Variants in RNF150 observed in about 807,000 individuals in gnomAD.
The protein encoded by RNF150 is ring finger protein 150.
A neutral mutation model predicts 39.3 loss-of-function variants in RNF150; 24 were observed. That is an observed-to-expected ratio of 0.61 (90% CI 0.44 to 0.86). The LOEUF is 0.86. RNF150 is among the 40% of genes least tolerant of loss of function. The pLI, the probability that RNF150 is intolerant of heterozygous loss-of-function variation, is 0.00. For missense variants in RNF150, 502 were observed against 587.8 expected (o/e 0.85, Z 1.51); for synonymous variants, 255 against 227.3 (o/e 1.12, Z -1.10).
chr4:140,899,974 C>CTCTCTCTCTCTCTCTGTGTGTGTGTGTG (rs1365683071), intron 6 of RNF150, among the ~76,000 whole-genome samples: 17 of 69,154 alleles, frequency 2.5e-4, no homozygotes, highest in African/African-American at 5.6e-4. Context: ...CTCTCTCTCT[C>CTCTCTCTCTCTCTCTGTGTGTGTGTGTG]TGTGTGTGTG....
chr4:141,184,548 T>C (rs1177227656), intron 1 of RNF150, among the ~76,000 whole-genome samples: 1 of 152,204 alleles, frequency 6.6e-6, no homozygotes, highest in Non-Finnish European at 1.5e-5. Context: ...TGCAATTGCT[T>C]TTGGTATTTT....
chr4:140,954,286 C>T (rs557374488), intron 2 of RNF150, among the ~76,000 whole-genome samples: 3 of 152,238 alleles, frequency 2.0e-5, no homozygotes, highest in African/African-American at 7.2e-5. Context: ...TGAATCTTGG[C>T]TCACTGCAGC....
At chr4:141,163,972 T>C (rs986124147) in intron 1 of RNF150, among the ~76,000 whole-genome samples, 3 of 152,164 alleles carry the variant, frequency 2.0e-5, no homozygotes, top group African/African-American at 7.2e-5. Context: ...TTGACAGCAG[T>C]AGGCTTCAGA....
chr4:141,097,208 G>C (rs1738822872), intron 1 of RNF150, among the ~76,000 whole-genome samples: 1 of 152,040 alleles, frequency 6.6e-6, no homozygotes, highest in Non-Finnish European at 1.5e-5. Flanking sequence ...ATAAAACAAA[G>C]GACCTTCTTG....
chr4:141,076,178 G>A (rs546588767), intron 1 of RNF150, among the ~76,000 whole-genome samples: 82 of 152,214 alleles, frequency 5.4e-4, no homozygotes, highest in African/African-American at 1.9e-3. Context: ...ACATGTACAG[G>A]AAAAATCATT....
At chr4:141,050,055 A>G (rs1216517302) in intron 1 of RNF150, among the ~76,000 whole-genome samples, 1 of 152,094 alleles carries the variant, frequency 6.6e-6, no homozygotes, top group African/African-American at 2.4e-5. Context: ...AGTAATAACA[A>G]AATATGAAAT....
In RNF150 at chr4:141,132,653, C is replaced by G. The variant is rs1373439409; in HGVS notation, c.156G>C (p.Ala52=). The change falls in exon 1 of 7, where the codon GCG becomes GCC. Residue 52 remains alanine (A), a synonymous_variant. Transcript: ENST00000515673. The surrounding 1 kb of genome is among the most constrained non-coding windows in gnomAD (Gnocchi z 4.9). ...AFVNITYAEP[A]PDPGAGAAGG... is the part of the protein sequence containing the mutation. Reference sequence around the variant, plus strand: ...CCGCCGCCCCGGCCCCGGGGTCCGGCGCGGGCTCGGCGTAGGTGATGTTCA... The same window carrying G: ...CCGCCGCCCCGGCCCCGGGGTCCGGGGCGGGCTCGGCGTAGGTGATGTTCA... 6.2e-7 allele frequency: 1 copy of G among 1,602,222 alleles called. No homozygotes were observed. Among genetic ancestry groups the G allele is most frequent in the Non-Finnish European group, 8.5e-7 (1 of 1,175,620 alleles).
chr4:141,146,181 G>A (rs1308473923), intron 1 of RNF150, among the ~76,000 whole-genome samples: 1 of 152,152 alleles, frequency 6.6e-6, no homozygotes, highest in African/African-American at 2.4e-5. Context: ...AAATAGGATC[G>A]GTTCTATTGA....
intron 5 of RNF150, among the ~76,000 whole-genome samples, chr4:140,916,878 A>G (rs1457014809): frequency 3.3e-5 from 5 of 152,144 alleles, no homozygotes; most frequent in Admixed American, 3.3e-4. Context: ...AGAGAGTGGG[A>G]GCCAATATTC....
At chr4:141,002,035 G>A (rs1293119606) in intron 1 of RNF150, among the ~76,000 whole-genome samples, 1 of 152,024 alleles carries the variant, frequency 6.6e-6, no homozygotes, top group African/African-American at 2.4e-5. Context: ...ATATGTATAT[G>A]TATCTATGTA....
intron 1 of RNF150, among the ~76,000 whole-genome samples, chr4:141,000,397 T>C (rs2111503634): frequency 6.6e-6 from 1 of 152,326 alleles, no homozygotes; most frequent in South Asian, 2.1e-4. Context: ...CAGTAAAGTT[T>C]TTAATCTTGG....
intron 6 of RNF150, among the ~76,000 whole-genome samples, chr4:140,875,756 C>T (rs1729131957): frequency 6.6e-6 from 1 of 152,040 alleles, no homozygotes; most frequent in South Asian, 2.1e-4. Flanking sequence ...TTACATTCCA[C>T]TAGCTATGTG....
At chr4:140,868,609 T>C (rs1728810555) in intron 6 of RNF150, among the ~76,000 whole-genome samples, 1 of 152,194 alleles carries the variant, frequency 6.6e-6, no homozygotes, top group African/African-American at 2.4e-5. Flanking sequence ...GGATATGTCT[T>C]AGTAGGAAAA....
intron 1 of RNF150, among the ~76,000 whole-genome samples, chr4:141,145,137 A>C (rs1727179249): frequency 6.6e-6 from 1 of 152,212 alleles, no homozygotes; most frequent in Admixed American, 6.5e-5. Context: ...TAACAGTAAC[A>C]CTTCAATTCC....
chr4:140,993,265 C>T (rs144867907), intron 1 of RNF150, among the ~76,000 whole-genome samples: 88 of 152,244 alleles, frequency 5.8e-4, no homozygotes, highest in African/African-American at 2.0e-3. Flanking sequence ...TAGAAATGGC[C>T]CACATTTCTT....
chr4:140,911,217 A>G lies in RNF150; in HGVS notation c.1125T>C (p.Thr375=). ...SSVTLDPAVR[T]VGALQVVQDT... is the part of the protein sequence containing the mutation. Reference sequence around the variant, plus strand: ...CCTGGACCACCTGCAAGGCTCCCACAGTCCGGACAGCAGGGTCCAAAGTGA... The same window carrying G: ...CCTGGACCACCTGCAAGGCTCCCACGGTCCGGACAGCAGGGTCCAAAGTGA... Residue 375 remains threonine, a synonymous_variant, in exon 6 of 7, where the codon ACT becomes ACC. Transcript: ENST00000515673. 1.9e-6 allele frequency: 3 copies of G among 1,614,176 alleles called. No homozygotes were observed. The highest frequency in any genetic ancestry group is 2.5e-6 in the Non-Finnish European group (3 of 1,180,012).
chr4:140,993,076 C>T (rs548179550), intron 1 of RNF150, among the ~76,000 whole-genome samples: 77 of 152,234 alleles, frequency 5.1e-4, no homozygotes, highest in African/African-American at 1.8e-3. Context: ...GCATTGGTTT[C>T]CTATCACTGC....
intron 1 of RNF150, among the ~76,000 whole-genome samples, chr4:141,200,014 G>A (rs1225081439): frequency 6.6e-6 from 1 of 152,130 alleles, no homozygotes; most frequent in Admixed American, 6.6e-5. Context: ...TTGACCAGTT[G>A]AAGTACAGAA....
At chr4:141,100,923 T>C (rs749839541) in intron 1 of RNF150, among the ~76,000 whole-genome samples, 54 of 152,184 alleles carry the variant, frequency 3.5e-4, no homozygotes, top group Non-Finnish European at 5.7e-4. Flanking sequence ...AGTAAAAATA[T>C]GCCATAAAAG....
Sources: allele counts gnomAD v4.1 joint callset (sites outside exome capture counted in the v4.1 genomes callset), GRCh38; gene constraint gnomAD v4.1.1; non-coding constraint Gnocchi (gnomAD v3.1); transcripts MANE v1.5; gene names NCBI Gene and HGNC (gene_info 2026-07-23, HGNC 2026-07-21).